TMC2: variants seen among roughly 807,000 people sequenced by gnomAD.
TMC2 encodes the protein transmembrane channel like 2.
Under a neutral mutation model 105.9 loss-of-function variants are expected in TMC2, and 102 were observed. The observed-to-expected ratio is 0.96, with a 90% CI of 0.82 to 1.14. TMC2 has a LOEUF of 1.14. TMC2 is among the 50% of genes most tolerant of loss of function. The pLI is 0.00. For missense variants in TMC2, 1,093 were observed against 1,134.3 expected (o/e 0.96, Z 0.52); for synonymous variants, 402 against 422.8 (o/e 0.95, Z 0.60).
intron 2 of TMC2, among the ~76,000 whole-genome samples, chr20:2,546,084 G>T (rs1423009548): frequency 1.3e-5 from 2 of 152,186 alleles, no homozygotes; most frequent in Non-Finnish European, 2.9e-5. Flanking sequence ...TCTCACAAAA[G>T]GTCCCCAAGT....
intron 17 of TMC2, among the ~76,000 whole-genome samples, chr20:2,629,529 T>TAAAAAAA (rs56821075): frequency 0.25 from 28,362 of 115,220 alleles, 4,274 homozygotes; most frequent in Admixed American, 0.35. Context: ...CTTACAGAAG[T>TAAAAAAA]AAAAAAAAAA....
intron 2 of TMC2, among the ~76,000 whole-genome samples, chr20:2,545,005 G>A (rs1198141542): frequency 6.7e-6 from 1 of 150,330 alleles, no homozygotes; most frequent in African/African-American, 2.5e-5. Context: ...AGAGCAGCCT[G>A]GGCAATATAA....
At chr20:2,637,672 G>C in intron 19 of TMC2, 81 bp downstream of exon 19, 2 of 963,084 alleles carry the variant, frequency 2.1e-6, no homozygotes, top group Non-Finnish European at 3.3e-6. Flanking sequence ...CGTGAAATCA[G>C]ACTGTTCTGG....
At position 2,637,615 on chromosome 20, in the gene TMC2, A is replaced by C. The variant is rs748907087; in HGVS notation, c.2503+24A>C. 4.6e-6 allele frequency: 7 copies of C among 1,528,088 alleles called. No individual in the cohort carries two copies. In the Admixed American group the frequency reaches 8.4e-5, roughly 18 times the overall value. The allele number at this position is 1,528,088 out of a possible 1,614,324, so 94.7% of individuals were successfully genotyped here. Reference sequence around the variant, plus strand: ...AGGTAAGCTCTTTGTCATAATGATTATGTTTTACAAGGCCACATGGAAAGG... The same window carrying C: ...AGGTAAGCTCTTTGTCATAATGATTCTGTTTTACAAGGCCACATGGAAAGG... On this transcript the variant is annotated intron_variant, in intron 19 of 19. Transcript: ENST00000358864.
chr20:2,548,931 A>G (rs77132814), intron 2 of TMC2, among the ~76,000 whole-genome samples: 4,365 of 152,286 alleles, frequency 0.029, 141 homozygotes, highest in African/African-American at 0.078. Flanking sequence ...GTAGAATAAA[A>G]ACGTAAGCTA....
At chr20:2,596,300 T>G (rs2086306015) in intron 9 of TMC2, among the ~76,000 whole-genome samples, 1 of 152,116 alleles carries the variant, frequency 6.6e-6, no homozygotes. Flanking sequence ...CCTGATTGTA[T>G]TAGGACGGTG....
chr20:2,573,550 T>C (rs1303153532), intron 5 of TMC2, among the ~76,000 whole-genome samples: 1 of 146,640 alleles, frequency 6.8e-6, no homozygotes, highest in Non-Finnish European at 1.5e-5. Flanking sequence ...CTTTTTTTTT[T>C]CTTTTCTTTT....
chr20:2,545,023 C>T (rs1467782092), intron 2 of TMC2, among the ~76,000 whole-genome samples: 1 of 141,172 alleles, frequency 7.1e-6, no homozygotes, highest in Non-Finnish European at 1.5e-5. Flanking sequence ...TAATGAGACC[C>T]CTGTCTCTAC....
intron 1 of TMC2, 23 bp downstream of exon 1, chr20:2,536,678 C>T (rs572874261): frequency 5.7e-5 from 90 of 1,565,782 alleles, no homozygotes; most frequent in South Asian, 1.1e-4. Context: ...CCTGATCCTG[C>T]GGGGCCCGCC....
chr20:2,581,652 T>C (rs763865863), intron 7 of TMC2, among the ~76,000 whole-genome samples: 108 of 152,352 alleles, frequency 7.1e-4, no homozygotes, highest in Non-Finnish European at 1.3e-3. Context: ...GAAGCTTTTA[T>C]TCCATGAGAA....
intron 8 of TMC2, 134 bp from the exon 9 acceptor site, chr20:2,594,691 C>A: frequency 3.4e-6 from 3 of 888,318 alleles, no homozygotes; most frequent in South Asian, 1.8e-5. Context: ...AGAACAAGAA[C>A]ATCTGGAACT....
chr20:2,594,969 T>C lies in TMC2; in HGVS notation c.1076+2T>C, dbSNP rs2086295160. ...CAGCCTGATTATTGTCATTCGATCG[T>C]AAGTATGACCGTCTCATCCGCAGGC... On this transcript the variant is annotated splice_donor_variant, in intron 9 of 19. Transcript: ENST00000358864. LOFTEE classifies it high-confidence loss of function. 6.2e-7 allele frequency: 1 copy of C among 1,612,850 alleles called. No homozygotes were observed. The highest frequency in any genetic ancestry group is 1.3e-5 in the African/African-American group (1 of 75,016).
chr20:2,570,230 T>C (rs1213201193), intron 4 of TMC2, among the ~76,000 whole-genome samples: 1 of 152,136 alleles, frequency 6.6e-6, no homozygotes, highest in Non-Finnish European at 1.5e-5. Context: ...TATATGATTC[T>C]CTACCTAGAA....
At chr20:2,586,650 C>A (rs77002254) in intron 7 of TMC2, among the ~76,000 whole-genome samples, 1 of 152,026 alleles carries the variant, frequency 6.6e-6, no homozygotes, top group East Asian at 1.9e-4. Flanking sequence ...GTGAACTAAC[C>A]GAGTGAGAAC....
chr20:2,570,015 T>C (rs1316697943), intron 4 of TMC2, among the ~76,000 whole-genome samples: 1 of 152,170 alleles, frequency 6.6e-6, no homozygotes, highest in East Asian at 1.9e-4. Context: ...GAGAAACTCA[T>C]AGTGAAATTC....
At chr20:2,581,567 C>T in intron 7 of TMC2, among the ~76,000 whole-genome samples, 1 of 152,356 alleles carries the variant, frequency 6.6e-6, no homozygotes, top group South Asian at 2.1e-4. Context: ...CCTCCATAGT[C>T]AGGTAAATAT....
chr20:2,594,747 C>T (rs1440078065), intron 8 of TMC2, 78 bp from the exon 9 acceptor site: 18 of 1,461,500 alleles, frequency 1.2e-5, no homozygotes, highest in African/African-American at 2.8e-5. Context: ...GAAAGAAATC[C>T]CTGGTAGAGT....
chr20:2,620,206 G>C (rs139159632), intron 16 of TMC2, among the ~76,000 whole-genome samples: 19 of 152,312 alleles, frequency 1.2e-4, no homozygotes, highest in African/African-American at 4.6e-4. Flanking sequence ...AAATGTGCAA[G>C]GAAAGAGGTA....
chr20:2,572,420 C>A, intron 5 of TMC2, 151 bp downstream of exon 5: 1 of 628,518 alleles, frequency 1.6e-6, no homozygotes, highest in Non-Finnish European at 2.9e-6. Flanking sequence ...TCTGATCCAT[C>A]TAGGCATGGA....
Sources: allele counts gnomAD v4.1 joint callset (sites outside exome capture counted in the v4.1 genomes callset), GRCh38; gene constraint gnomAD v4.1.1; transcripts MANE v1.5; gene names NCBI Gene and HGNC (gene_info 2026-07-23, HGNC 2026-07-21).